The following MVB12B variants were observed in gnomAD, a reference collection of about 807,000 sequenced individuals.
MVB12B encodes ESCRT-I complex subunit MVB12B.
In MVB12B, 16 loss-of-function variants were observed where a neutral mutation model predicts 41.6. That is an observed-to-expected ratio of 0.38 (90% confidence interval 0.26 to 0.58). MVB12B has a LOEUF of 0.58. MVB12B is among the 20% of genes least tolerant of loss of function. The pLI is 0.62. For synonymous variants in MVB12B, 133 were observed against 139.7 expected (o/e 0.95, Z 0.34); for missense variants, 274 against 380.2 (o/e 0.72, Z 2.32).
chr9:126,470,307 G>T (rs1015979758), intron 7 of MVB12B, among the ~76,000 whole-genome samples: 1 of 152,168 alleles, frequency 6.6e-6, no homozygotes, highest in Non-Finnish European at 1.5e-5. Flanking sequence ...TATCTCTGGT[G>T]TTGCAAGTCA....
intron 6 of MVB12B, chr9:126,397,678 T>C: frequency 1.0e-6 from 1 of 980,466 alleles, no homozygotes; most frequent in Non-Finnish European, 1.2e-6. Context: ...TGCACACCTA[T>C]GTAAGCCTCA....
chr9:126,387,458 A>G (rs1352339924), intron 4 of MVB12B, among the ~76,000 whole-genome samples: 3 of 152,086 alleles, frequency 2.0e-5, no homozygotes, highest in African/African-American at 7.2e-5. Context: ...CTCATACTTT[A>G]TTCTTTCATA....
chr9:126,426,880 G>C (rs907594644), intron 7 of MVB12B: 2 of 152,344 alleles, frequency 1.3e-5, no homozygotes, highest in Non-Finnish European at 2.9e-5. Flanking sequence ...TCATAAACAG[G>C]GTCCCGTGGG....
At chr9:126,366,452 A>G (rs1475032765) in intron 2 of MVB12B, among the ~76,000 whole-genome samples, 1 of 152,162 alleles carries the variant, frequency 6.6e-6, no homozygotes, top group Non-Finnish European at 1.5e-5. Context: ...CTGTAATCCT[A>G]CAACTCAGGA....
chr9:126,425,375 T>G (rs965734459), intron 7 of MVB12B, among the ~76,000 whole-genome samples: 8 of 152,340 alleles, frequency 5.3e-5, no homozygotes, highest in Middle Eastern at 3.4e-3. Flanking sequence ...TTCTTGGGAC[T>G]TTCATCTTTT....
At chr9:126,423,747 G>A (rs941373118) in intron 7 of MVB12B, among the ~76,000 whole-genome samples, 1 of 152,208 alleles carries the variant, frequency 6.6e-6, no homozygotes, top group Non-Finnish European at 1.5e-5. Flanking sequence ...AACTGGGAAG[G>A]CTGCCCGCCC....
chr9:126,426,624 C>CTCAT (rs1048205898), intron 7 of MVB12B, among the ~76,000 whole-genome samples: 1 of 151,972 alleles, frequency 6.6e-6, no homozygotes. Context: ...TGCCCATTCA[C>CTCAT]TCATTTCTCT....
chr9:126,348,974 A>G (rs1036568210), intron 2 of MVB12B, among the ~76,000 whole-genome samples: 2 of 152,132 alleles, frequency 1.3e-5, no homozygotes, highest in Admixed American at 6.6e-5. Flanking sequence ...GAGGATTGCC[A>G]CTGGAAAGAT....
At chr9:126,499,969 C>T (rs1004071926) in intron 9 of MVB12B, among the ~76,000 whole-genome samples, 5 of 152,110 alleles carry the variant, frequency 3.3e-5, no homozygotes, top group African/African-American at 1.2e-4. Flanking sequence ...GGGACAGCGG[C>T]ACAGGGTCCC....
At chr9:126,433,847 T>C (rs1419694421) in intron 7 of MVB12B, among the ~76,000 whole-genome samples, 3 of 152,094 alleles carry the variant, frequency 2.0e-5, no homozygotes, top group Non-Finnish European at 4.4e-5. Context: ...GCTGCCAGCA[T>C]TGCCGAGCTC....
At chr9:126,414,799 A>G (rs1201850610) in intron 6 of MVB12B, among the ~76,000 whole-genome samples, 1 of 151,752 alleles carries the variant, frequency 6.6e-6, no homozygotes, top group Non-Finnish European at 1.5e-5. Flanking sequence ...ACCAGCCACC[A>G]TCATTCTCGT....
intron 7 of MVB12B, among the ~76,000 whole-genome samples, chr9:126,460,782 C>A (rs1306792363): frequency 6.6e-6 from 1 of 152,118 alleles, no homozygotes; most frequent in Non-Finnish European, 1.5e-5. Context: ...CCTGGCTCCA[C>A]CTCTGCTGGC....
At chr9:126,446,175 A>G (rs901167342) in intron 7 of MVB12B, among the ~76,000 whole-genome samples, 1 of 152,022 alleles carries the variant, frequency 6.6e-6, no homozygotes, top group African/African-American at 2.4e-5. Flanking sequence ...TCAGGCACTA[A>G]TTTGAGTTTC....
At chr9:126,489,602 G>T (rs537019175) in intron 9 of MVB12B, among the ~76,000 whole-genome samples, 1 of 152,216 alleles carries the variant, frequency 6.6e-6, no homozygotes, top group Non-Finnish European at 1.5e-5. Flanking sequence ...ATGATGGCGC[G>T]GGTGGCTGAA....
chr9:126,411,258 T>C (rs1831640064), intron 6 of MVB12B, among the ~76,000 whole-genome samples: 2 of 152,266 alleles, frequency 1.3e-5, no homozygotes, highest in Non-Finnish European at 2.9e-5. Context: ...TATCTTTTGA[T>C]ATTCAGAGCT....
intron 7 of MVB12B, among the ~76,000 whole-genome samples, chr9:126,463,265 A>C (rs372108581): frequency 6.6e-6 from 1 of 152,242 alleles, no homozygotes; most frequent in East Asian, 1.9e-4. Flanking sequence ...AAGGGCTCCC[A>C]TCCTCTCACA....
At chr9:126,452,105 C>T (rs1832898772) in intron 7 of MVB12B, among the ~76,000 whole-genome samples, 1 of 152,240 alleles carries the variant, frequency 6.6e-6, no homozygotes, top group Non-Finnish European at 1.5e-5. Flanking sequence ...GCAGATGCAC[C>T]TACTTTTTCC....
intron 1 of MVB12B, among the ~76,000 whole-genome samples, chr9:126,339,304 G>A (rs1013503064): frequency 2.0e-5 from 3 of 152,190 alleles, no homozygotes; most frequent in Admixed American, 2.0e-4. Flanking sequence ...AGTGAGGTAG[G>A]GTGTTTGGTT....
chr9:126,388,219 A>C (rs1264471487), intron 4 of MVB12B, among the ~76,000 whole-genome samples: 1 of 152,080 alleles, frequency 6.6e-6, no homozygotes, highest in Admixed American at 6.6e-5. Flanking sequence ...CGCCAGCCCT[A>C]GGCAACCACT....
Sources: gnomAD v4.1 joint callset for allele counts (sites outside exome capture counted in the v4.1 genomes callset) on GRCh38, gnomAD v4.1.1 for gene constraint, MANE v1.5 for transcripts, NCBI Gene and HGNC (gene_info 2026-07-23, HGNC 2026-07-21) for gene names.